LRRC8B: variants seen among roughly 807,000 people sequenced by gnomAD.
LRRC8B encodes the protein volume-regulated anion channel subunit LRRC8B.
A neutral mutation model predicts 58.8 loss-of-function variants in LRRC8B; 23 were observed. That is an observed-to-expected ratio of 0.39 (90% CI 0.28 to 0.55). The LOEUF is 0.55. Among genes scored for constraint, LRRC8B ranks in the 20% least tolerant of loss-of-function variants. The pLI is 0.62. For synonymous variants in LRRC8B, 359 were observed against 374.1 expected (o/e 0.96, Z 0.47); for missense variants, 694 against 936.0 (o/e 0.74, Z 3.37).
At position 89,583,965 on chromosome 1, in the gene LRRC8B, T is replaced by A. The variant is rs1161299751; in HGVS notation, c.1315T>A (p.Leu439Ile). The change falls in exon 5 of 6, where the codon TTA becomes ATA. Residue 439 changes from leucine (L) to isoleucine (I), a missense_variant. By Grantham distance (5) the Leu-to-Ile change is conservative. This residue lies in a region of LRRC8B where 162 missense variants were observed against 198.5 expected (regional missense o/e 0.82). Transcript: ENST00000330947. The surrounding 1 kb of genome is among the most constrained non-coding windows in gnomAD (Gnocchi z 5.2). ...LNGLPDNVFELTEMEVLSLEL... is the reference protein window; with the variant it reads ...LNGLPDNVFEITEMEVLSLEL... ...CGGTCTTCCAGACAATGTCTTTGAGTTAACTGAAATGGAAGTGCTAAGCCT... is the reference window on the plus strand; with the variant it reads ...CGGTCTTCCAGACAATGTCTTTGAGATAACTGAAATGGAAGTGCTAAGCCT... 6.2e-7 allele frequency: 1 copy of A among 1,614,164 alleles called. No homozygotes were observed.
At chr1:89,534,786 A>G (rs1042987562) in intron 1 of LRRC8B, among the ~76,000 whole-genome samples, 1 of 152,328 alleles carries the variant, frequency 6.6e-6, no homozygotes, top group Non-Finnish European at 1.5e-5. Context: ...GCCCAAAGAT[A>G]TCTAGTGATT....
rs1381963359 is a variant in LRRC8B, at chr1:89,584,078, C to T, written c.1428C>T (p.Val476=). 3 of 1,614,022 alleles carry T rather than the reference C, an allele frequency of 1.9e-6. No homozygotes were observed. Among genetic ancestry groups the T allele is most frequent in the East Asian group, 2.2e-5 (1 of 44,880 alleles). The change falls in exon 5 of 6, where the codon GTC becomes GTT. Residue 476 remains valine (V), a synonymous_variant. Transcript: ENST00000330947. The part of the protein sequence containing the change: ...KELRVYHSSL[V]VDHPALAFLE... ...TTCGTGTGTACCATTCATCTCTGGT[C>T]GTAGACCATCCTGCACTGGCCTTTC... is the stretch of plus-strand genomic sequence containing the variant.
chr1:89,591,712 A>G (rs939238361), intron 5 of LRRC8B, among the ~76,000 whole-genome samples: 3 of 152,216 alleles, frequency 2.0e-5, no homozygotes, highest in African/African-American at 4.8e-5. Flanking sequence ...GGATGGCCCT[A>G]GAAACTTGTC....
intron 1 of LRRC8B, among the ~76,000 whole-genome samples, chr1:89,555,284 A>G (rs1652100561): frequency 6.6e-6 from 1 of 152,196 alleles, no homozygotes; most frequent in Non-Finnish European, 1.5e-5. Context: ...GCTATGGCTG[A>G]GCTAAATTCG....
chr1:89,588,923 T>G (rs923113867), intron 5 of LRRC8B, among the ~76,000 whole-genome samples: 2 of 152,176 alleles, frequency 1.3e-5, no homozygotes, highest in Non-Finnish European at 2.9e-5. Flanking sequence ...GGGAAGAAGA[T>G]CAAAAGAATG....
intron 5 of LRRC8B, among the ~76,000 whole-genome samples, chr1:89,586,562 C>T (rs1394326815): frequency 1.3e-5 from 2 of 152,098 alleles, no homozygotes; most frequent in African/African-American, 4.8e-5. Context: ...AATGAAGAAA[C>T]CTTGAGACCA....
intron 1 of LRRC8B, among the ~76,000 whole-genome samples, chr1:89,556,382 C>T (rs1227717842): frequency 6.6e-6 from 1 of 152,052 alleles, no homozygotes; most frequent in African/African-American, 2.4e-5. Flanking sequence ...AAAGTGTTTT[C>T]CTGAGTTCTA....
chr1:89,566,614 C>T (rs897727758), intron 1 of LRRC8B, among the ~76,000 whole-genome samples: 2 of 152,172 alleles, frequency 1.3e-5, no homozygotes, highest in African/African-American at 4.8e-5. Context: ...ACTATCCCTA[C>T]AAGACAAATA....
chr1:89,551,406 A>G (rs1260168376), intron 1 of LRRC8B, among the ~76,000 whole-genome samples: 2 of 152,186 alleles, frequency 1.3e-5, no homozygotes, highest in Admixed American at 6.5e-5. Flanking sequence ...TGACTATGAA[A>G]AAAATGCTCC....
At position 89,596,218 on chromosome 1, in the gene LRRC8B, A is replaced by G. The variant is rs1200145097; in HGVS notation, c.*3175A>G. 1 of 152,110 alleles carries G rather than the reference A, an allele frequency of 6.6e-6. No homozygotes were observed. The highest frequency in any genetic ancestry group is 2.1e-4 in the South Asian group (1 of 4,828). The allele number at this position is 152,110 out of a possible 1,614,324, so 9.4% of individuals were successfully genotyped here. ...GAACCTAAGTGTTTTTGAGCATTCCAGTAAAGGAGTAGTGTTCTTTTCCTA... is the reference window on the plus strand; with the variant it reads ...GAACCTAAGTGTTTTTGAGCATTCCGGTAAAGGAGTAGTGTTCTTTTCCTA... On this transcript the variant is annotated 3_prime_UTR_variant, in exon 6 of 6. Transcript: ENST00000330947.
Position 89,595,457 on chromosome 1 carries a change from C to T in LRRC8B, c.*2414C>T, listed in dbSNP as rs1276133805. 6.6e-6 allele frequency: 1 copy of T among 152,138 alleles called. No individual in the cohort carries two copies. Among genetic ancestry groups the T allele is most frequent in the Admixed American group, 6.6e-5 (1 of 15,266 alleles). 9.4% of individuals were successfully genotyped at this position (152,138 alleles called of 1,614,324 possible). ...CAAAATTCAGATTTGCTACCATTCA[C>T]CTGACGAACTTCTCCATGGCTCGTC... On this transcript the variant is annotated 3_prime_UTR_variant, in exon 6 of 6. Transcript: ENST00000330947.
intron 1 of LRRC8B, among the ~76,000 whole-genome samples, chr1:89,530,191 A>G (rs1650009046): frequency 6.6e-6 from 1 of 150,908 alleles, no homozygotes; most frequent in Non-Finnish European, 1.5e-5. Flanking sequence ...TCTACAAAAA[A>G]TACAAAAAAA....
chr1:89,590,657 AAG>A (rs546353509), intron 5 of LRRC8B, among the ~76,000 whole-genome samples: 193 of 152,358 alleles, frequency 1.3e-3, no homozygotes, highest in Non-Finnish European at 2.4e-3. Context: ...ATAGCCAGAC[AAG>A]AGAGTGAGGG....
rs1433991598 is a variant in LRRC8B at position 89,583,035 on chromosome 1, A to G, written c.385A>G (p.Thr129Ala). ...KFFPYLVLLHTLIFAACSNFW... is the reference protein window; with the variant it reads ...KFFPYLVLLHALIFAACSNFW... ...TTTCCCCTATCTGGTGCTCTTGCAC[A>G]CGCTCATCTTTGCAGCCTGCAGCAA... The change falls in exon 5 of 6, where the codon ACG (threonine) becomes GCG (alanine). Residue 129 changes from threonine to alanine, a missense_variant. Transcript: ENST00000330947. The surrounding 1 kb of genome is among the most constrained non-coding windows in gnomAD (Gnocchi z 5.2). The G allele has an allele frequency of 7.4e-6, 12 of 1,614,090 alleles. No individual in the cohort carries two copies. The highest frequency in any genetic ancestry group is 1.0e-5 in the Non-Finnish European group (12 of 1,180,044).
Position 89,596,031 on chromosome 1 carries a change from A to G in LRRC8B, c.*2988A>G, listed in dbSNP as rs1055752880. On this transcript the variant is annotated 3_prime_UTR_variant, in exon 6 of 6. Transcript: ENST00000330947. Reference sequence around the variant, plus strand: ...CACATACTTCATATATGCAAATTATAGCATTAGTTTTTGATATATCTAGTG... The same window carrying G: ...CACATACTTCATATATGCAAATTATGGCATTAGTTTTTGATATATCTAGTG... The G allele has an allele frequency of 6.6e-6, 1 of 152,106 alleles. No homozygotes were observed. The highest frequency in any genetic ancestry group is 1.5e-5 in the Non-Finnish European group (1 of 67,966). The allele number at this position is 152,106 out of a possible 1,614,324, so 9.4% of individuals were successfully genotyped here.
rs1654435317 is a variant in LRRC8B, at chr1:89,583,964, G to A, written c.1314G>A (p.Glu438=). Residue 438 remains glutamate (E), a synonymous_variant, in exon 5 of 6, where the codon GAG becomes GAA. Transcript: ENST00000330947. This position sits in a 1 kb window ranked among gnomAD's most constrained non-coding sequence, Gnocchi z 5.2. ...ACGGTCTTCCAGACAATGTCTTTGA[G>A]TTAACTGAAATGGAAGTGCTAAGCC... is the stretch of plus-strand genomic sequence containing the variant. ...MLNGLPDNVF[E]LTEMEVLSLE... 6.2e-7 allele frequency: 1 copy of A among 1,614,218 alleles called. No individual in the cohort carries two copies. Among genetic ancestry groups the A allele is most frequent in the Admixed American group, 1.7e-5 (1 of 60,032 alleles).
At chr1:89,582,211 C>CAA (rs367553054) in intron 4 of LRRC8B, among the ~76,000 whole-genome samples, 216 of 135,434 alleles carry the variant, frequency 1.6e-3, no homozygotes, top group Middle Eastern at 7.5e-3. Flanking sequence ...GACCCTGTCT[C>CAA]AAAAAAAAAA....
rs1453463736 is a variant in LRRC8B, at chr1:89,592,682, T to TG, written c.2140-88dup. On this transcript the variant is annotated intron_variant, in intron 5 of 5. Coordinates refer to ENST00000330947, the MANE Select transcript of LRRC8B (RefSeq NM_001369817.2). ...CACTTATAAACCTCCAGAAATGTTT[T>TG]GTTTTTTTTTTTTTGGAAAAAAGGT... is the stretch of plus-strand genomic sequence containing the variant. 47 of 1,023,240 alleles carry TG rather than the reference T, an allele frequency of 4.6e-5. No homozygotes were observed. In the East Asian group the frequency reaches 9.3e-4, roughly 20 times the overall value. The allele number at this position is 1,023,240 out of a possible 1,614,324, so 63.4% of individuals were successfully genotyped here.
At chr1:89,538,711 G>GTTTT (rs199600161) in intron 1 of LRRC8B, among the ~76,000 whole-genome samples, 165 of 145,284 alleles carry the variant, frequency 1.1e-3, no homozygotes, top group Middle Eastern at 3.3e-3. Flanking sequence ...CATCTTCGAG[G>GTTTT]TTTTTTTTTG....
Sources: allele counts gnomAD v4.1 joint callset (sites outside exome capture counted in the v4.1 genomes callset), GRCh38; gene constraint gnomAD v4.1.1; regional missense constraint gnomAD v4.1.1; non-coding constraint Gnocchi (gnomAD v3.1); transcripts MANE v1.5; gene names NCBI Gene and HGNC (gene_info 2026-07-23, HGNC 2026-07-21).